Variants in SEMA3A observed in about 807,000 individuals in gnomAD.
The protein encoded by SEMA3A is semaphorin-3A.
A neutral mutation model predicts 97.9 loss-of-function variants in SEMA3A; 29 were observed. The ratio of observed to expected loss-of-function variants is 0.30; its 90% CI spans 0.22 to 0.40. SEMA3A has a LOEUF of 0.40. Among genes scored for constraint, SEMA3A ranks in the 10% least tolerant of loss-of-function variants. The probability of loss-of-function intolerance (pLI) is 1.00; values close to 1 mark genes in which losing one functional copy is unlikely to be tolerated. For missense variants in SEMA3A, 763 were observed against 951.3 expected, an observed-to-expected ratio of 0.80 and a Z score of 2.60; for synonymous variants, 321 against 323.7, an observed-to-expected ratio of 0.99 and a Z score of 0.09.
intron 2 of SEMA3A, among the ~76,000 whole-genome samples, chr7:84,365,282 T>C (rs977358874): frequency 6.6e-6 from 1 of 151,570 alleles, no homozygotes; most frequent in Non-Finnish European, 1.5e-5. Flanking sequence ...CTATCATATA[T>C]ATTAAAAGTT....
intron 2 of SEMA3A, among the ~76,000 whole-genome samples, chr7:84,364,618 T>C (rs989959376): frequency 1.1e-4 from 16 of 151,924 alleles, no homozygotes; most frequent in Non-Finnish European, 1.5e-4. Flanking sequence ...AAGCATTTAT[T>C]GTACTTCCAA....
chr7:84,443,300 T>C (rs1805318413), intron 1 of SEMA3A, among the ~76,000 whole-genome samples: 1 of 152,156 alleles, frequency 6.6e-6, no homozygotes, highest in South Asian at 2.1e-4. Context: ...TTTCATAACA[T>C]GGAATTAAAA....
At chr7:84,032,834 G>C (rs1181602838) in intron 6 of SEMA3A, among the ~76,000 whole-genome samples, 1 of 151,616 alleles carries the variant, frequency 6.6e-6, no homozygotes, top group Non-Finnish European at 1.5e-5. Flanking sequence ...AATTTGAAGA[G>C]TTCTTTTTAT....
At chr7:84,251,254 T>C (rs1442428775) in intron 3 of SEMA3A, among the ~76,000 whole-genome samples, 2 of 152,326 alleles carry the variant, frequency 1.3e-5, no homozygotes, top group African/African-American at 4.8e-5. Flanking sequence ...TTGGTTAAAA[T>C]GAAAAATGTC....
At chr7:84,242,728 T>G (rs1181516988) in intron 3 of SEMA3A, among the ~76,000 whole-genome samples, 1 of 152,190 alleles carries the variant, frequency 6.6e-6, no homozygotes, top group East Asian at 1.9e-4. Context: ...TCAAAGGGAA[T>G]GCTTCCAGCT....
chr7:84,217,892 G>A (rs542244176), intron 3 of SEMA3A, among the ~76,000 whole-genome samples: 4 of 151,942 alleles, frequency 2.6e-5, no homozygotes, highest in Admixed American at 6.6e-5. Flanking sequence ...GCTTGGGTGG[G>A]TAACAAAGTA....
In SEMA3A at chr7:84,134,837, T is replaced by C; in HGVS notation, c.227A>G (p.His76Arg). 1 of 1,613,586 alleles carries C rather than the reference T, an allele frequency of 6.2e-7. No individual in the cohort carries two copies. The change falls in exon 2 of 17, where the codon CAC becomes CGC. Residue 76 changes from histidine (H) to arginine (R), a missense_variant. Physicochemically the swap from His to Arg is conservative, Grantham distance 29. Coordinates refer to ENST00000265362, the MANE Select transcript of SEMA3A (RefSeq NM_006080.3). ...RSRLYVGAKD[H>R]IFSFDLVNIK... ...ATTAACCAGGTCGAATGAAAATATG[T>C]GATCCTTTGCTCCAACATACAGCCT...
intron 1 of SEMA3A, among the ~76,000 whole-genome samples, chr7:84,172,068 T>A (rs1436920180): frequency 1.3e-5 from 2 of 152,174 alleles, no homozygotes; most frequent in Non-Finnish European, 1.5e-5. Context: ...TGTCTATAAT[T>A]TGTGAGTTAA....
chr7:84,118,989 G>A (rs559634265), intron 3 of SEMA3A, among the ~76,000 whole-genome samples: 24 of 152,136 alleles, frequency 1.6e-4, no homozygotes, highest in African/African-American at 4.8e-4. Flanking sequence ...AATATAAAGG[G>A]AACATAAATT....
chr7:84,279,063 C>A (rs1800376596), intron 3 of SEMA3A, among the ~76,000 whole-genome samples: 1 of 151,960 alleles, frequency 6.6e-6, no homozygotes, highest in Non-Finnish European at 1.5e-5. Context: ...ATTTGAAAAT[C>A]ATCATAGTCA....
intron 6 of SEMA3A, among the ~76,000 whole-genome samples, chr7:84,015,295 A>C (rs1161276260): frequency 1.3e-5 from 2 of 152,148 alleles, no homozygotes; most frequent in Non-Finnish European, 2.9e-5. Context: ...CCTAGAGCTT[A>C]AAACGTGATA....
intron 7 of SEMA3A, among the ~76,000 whole-genome samples, chr7:84,013,042 T>C (rs1790947613): frequency 1.3e-5 from 2 of 152,138 alleles, no homozygotes; most frequent in Admixed American, 6.5e-5. Context: ...ATAGTAGAGG[T>C]AATAATTAGA....
chr7:84,297,607 G>A (rs2115810060), intron 3 of SEMA3A, among the ~76,000 whole-genome samples: 1 of 152,178 alleles, frequency 6.6e-6, no homozygotes, highest in South Asian at 2.1e-4. Context: ...TGATCTACAA[G>A]TCTCAATTTT....
In SEMA3A at chr7:83,963,326, G is replaced by T; in HGVS notation, c.1739C>A (p.Pro580His). The T allele has an allele frequency of 6.2e-7, 1 of 1,613,356 alleles. No homozygotes were observed. The highest frequency in any genetic ancestry group is 1.3e-5 in the African/African-American group (1 of 75,058). The change falls in exon 16 of 17, where the codon CCT becomes CAT. Residue 580 changes from proline (P) to histidine (H), a missense_variant. This residue lies in a region of SEMA3A where 678 missense variants were observed against 881.3 expected (regional missense o/e 0.77). Transcript: ENST00000265362. ...TACACCATAGATGATTCTCTCTTCA[G>T]GGCTGTGGCCATGGTGATTATCTGG... is the stretch of plus-strand genomic sequence containing the variant. ...LHHDNHHGHS[P>H]EERIIYGVEN...
chr7:84,416,876 A>G (rs1369265463), intron 1 of SEMA3A, among the ~76,000 whole-genome samples: 1 of 152,152 alleles, frequency 6.6e-6, no homozygotes, highest in Non-Finnish European at 1.5e-5. Flanking sequence ...GAAGAATAAA[A>G]TGATCCAGAC....
chr7:84,268,974 T>C (rs1301510077), intron 3 of SEMA3A, among the ~76,000 whole-genome samples: 1 of 152,126 alleles, frequency 6.6e-6, no homozygotes, highest in African/African-American at 2.4e-5. Context: ...CAAAATAGAC[T>C]TTACTGTACA....
intron 1 of SEMA3A, among the ~76,000 whole-genome samples, chr7:84,143,928 C>A (rs961684826): frequency 7.2e-6 from 1 of 138,496 alleles, no homozygotes; most frequent in Non-Finnish European, 1.5e-5. Context: ...TAATCTCTCT[C>A]TCTCTCTCTC....
chr7:84,203,278 T>G (rs536231297), intron 3 of SEMA3A, among the ~76,000 whole-genome samples: 1 of 151,958 alleles, frequency 6.6e-6, no homozygotes, highest in Non-Finnish European at 1.5e-5. Context: ...CCTATTGCTT[T>G]GTATCACATT....
intron 3 of SEMA3A, among the ~76,000 whole-genome samples, chr7:84,249,265 G>A (rs1799543023): frequency 6.6e-6 from 1 of 152,006 alleles, no homozygotes; most frequent in African/African-American, 2.4e-5. Flanking sequence ...ACTTCCAGTA[G>A]ATAGAATTTG....
Sources: gnomAD v4.1 joint callset for allele counts (sites outside exome capture counted in the v4.1 genomes callset) on GRCh38, gnomAD v4.1.1 for gene constraint, gnomAD v4.1.1 regional missense constraint, MANE v1.5 for transcripts, NCBI Gene and HGNC (gene_info 2026-07-23, HGNC 2026-07-21) for gene names.